Variants in KCTD3 observed in about 807,000 individuals in gnomAD.
KCTD3 encodes the protein BTB/POZ domain-containing protein KCTD3.
Under a neutral mutation model 85.8 loss-of-function variants are expected in KCTD3, and 41 were observed. The observed-to-expected ratio is 0.48, with a 90% confidence interval of 0.37 to 0.62. The LOEUF (loss-of-function observed/expected upper bound fraction) is 0.62. KCTD3 is among the 20% of genes least tolerant of loss of function. The pLI, the probability that KCTD3 is intolerant of heterozygous loss-of-function variation, is 0.00. For synonymous variants in KCTD3, 338 were observed against 345.4 expected (o/e 0.98, Z 0.24); for missense variants, 724 against 989.9 (o/e 0.73, Z 3.60).
chr1:215,577,768 C>T, intron 5 of KCTD3, 40 bp downstream of exon 5: 2 of 1,446,462 alleles, frequency 1.4e-6, no homozygotes, highest in Non-Finnish European at 1.9e-6. Context: ...TGATTTGACT[C>T]ATGTATGAAA....
Position 215,620,182 on chromosome 1 carries a change from T to C in KCTD3, c.2012T>C (p.Phe671Ser), listed in dbSNP as rs1453736278. Residue 671 changes from phenylalanine to serine, a missense_variant, in exon 18 of 18, where the codon TTC becomes TCC. Around this residue, in one of 6 missense-constraint regions of KCTD3, gnomAD observed 222 missense variants for 217.7 expected, o/e 1.02. Transcript: ENST00000259154. ...RTESFHSYRD[F>S]QTINLNRNVE... ...GAGAGCTTTCACAGTTATAGGGACT[T>C]CCAGACTATTAATTTGAACAGAAAT... 1 of 1,613,894 alleles carries C rather than the reference T, an allele frequency of 6.2e-7. No individual in the cohort carries two copies.
intron 15 of KCTD3, among the ~76,000 whole-genome samples, chr1:215,614,794 A>G (rs1476624480): frequency 1.3e-5 from 2 of 152,190 alleles, no homozygotes; most frequent in Admixed American, 1.3e-4. Context: ...TCATTTTAAA[A>G]TTTTATGGCT....
chr1:215,578,943 T>G, intron 6 of KCTD3, 57 bp from the exon 7 acceptor site: 1 of 1,265,456 alleles, frequency 7.9e-7, no homozygotes, highest in South Asian at 1.5e-5. Context: ...AATGTGATAT[T>G]TTTAATTTTT....
Position 215,620,182 on chromosome 1 carries a change from T to G in KCTD3, c.2012T>G (p.Phe671Cys), listed in dbSNP as rs1453736278. ...RTESFHSYRD[F>C]QTINLNRNVE... The stretch of plus-strand genomic sequence containing the variant: ...GAGAGCTTTCACAGTTATAGGGACT[T>G]CCAGACTATTAATTTGAACAGAAAT... The change falls in exon 18 of 18, where the codon TTC (phenylalanine) becomes TGC (cysteine). Residue 671 changes from phenylalanine (F) to cysteine (C), a missense_variant. This residue lies in a region of KCTD3 where 222 missense variants were observed against 217.7 expected (regional missense o/e 1.02). Coordinates refer to ENST00000259154, the MANE Select transcript of KCTD3 (RefSeq NM_016121.5). 2.5e-6 allele frequency: 4 copies of G among 1,613,776 alleles called. No homozygotes were observed. Among genetic ancestry groups the G allele is most frequent in the Non-Finnish European group, 3.4e-6 (4 of 1,179,840 alleles).
At chr1:215,582,721 C>G (rs1337789010) in intron 8 of KCTD3, among the ~76,000 whole-genome samples, 1 of 152,012 alleles carries the variant, frequency 6.6e-6, no homozygotes, top group Non-Finnish European at 1.5e-5. Flanking sequence ...ACCACCACAC[C>G]TGGCCAATTT....
At chr1:215,614,171 A>G (rs1196484457) in intron 15 of KCTD3, among the ~76,000 whole-genome samples, 2 of 151,566 alleles carry the variant, frequency 1.3e-5, no homozygotes, top group Non-Finnish European at 2.9e-5. Context: ...AGCTGGGATT[A>G]CAAATGCATG....
At chr1:215,569,186 A>G (rs535064754) in intron 1 of KCTD3, among the ~76,000 whole-genome samples, 2 of 147,498 alleles carry the variant, frequency 1.4e-5, no homozygotes, top group African/African-American at 2.5e-5. Flanking sequence ...CAGTGGCGCG[A>G]TCTCGGCTCA....
rs79601310 is a variant in KCTD3 at position 215,612,023 on chromosome 1, C to T, written c.1562+102C>T. The T allele has an allele frequency of 7.4e-3, 5,433 of 736,240 alleles. 178 individuals carry two copies. The African/African-American group carries it at 0.077, about 10-fold the overall frequency. 45.6% of individuals were successfully genotyped at this position (736,240 alleles called of 1,614,324 possible). The stretch of plus-strand genomic sequence containing the variant: ...ATTGACCAAAGAGTGCTACTAGAAA[C>T]AAATTGTTGGGACAGAAGTCTGTTA... On this transcript the variant is annotated intron_variant, in intron 15 of 17. Transcript: ENST00000259154.
At chr1:215,586,278 G>A (rs981116090) in intron 8 of KCTD3, among the ~76,000 whole-genome samples, 5 of 152,086 alleles carry the variant, frequency 3.3e-5, no homozygotes, top group Non-Finnish European at 5.9e-5. Flanking sequence ...CGTTATATGT[G>A]CTATGTATGC....
intron 6 of KCTD3, 43 bp from the exon 7 acceptor site, chr1:215,578,957 A>C (rs769799591): frequency 2.9e-6 from 4 of 1,388,284 alleles, no homozygotes; most frequent in Middle Eastern, 3.7e-4. Context: ...AATTTTTGAA[A>C]GGTGAACTTA....
chr1:215,617,643 T>C (rs1313624901), intron 15 of KCTD3, among the ~76,000 whole-genome samples: 1 of 151,762 alleles, frequency 6.6e-6, no homozygotes, highest in Non-Finnish European at 1.5e-5. Flanking sequence ...GACCTCTCTC[T>C]TCCTACATGC....
chr1:215,612,777 C>T (rs1424054985), intron 15 of KCTD3, among the ~76,000 whole-genome samples: 1 of 152,168 alleles, frequency 6.6e-6, no homozygotes, highest in Non-Finnish European at 1.5e-5. Flanking sequence ...AATGAAATAT[C>T]TCTCATAGTA....
chr1:215,619,176 G>A lies in KCTD3; in HGVS notation c.1771G>A (p.Glu591Lys). The A allele has an allele frequency of 3.7e-6, 6 of 1,613,976 alleles. No individual in the cohort carries two copies. The highest frequency in any genetic ancestry group is 5.1e-6 in the Non-Finnish European group (6 of 1,179,876). ...DKDVGGPTEE[E>K]LLKLLDQCDL... ...AGATGTAGGTGGTCCAACCGAAGAA[G>A]AGCTACTCAAATTACTCGATCAATG... The change falls in exon 17 of 18, where the codon GAG becomes AAG. Residue 591 changes from glutamate (E) to lysine (K), a missense_variant. Glu to Lys is a moderately conservative substitution (Grantham distance 56). Around this residue, in one of 6 missense-constraint regions of KCTD3, gnomAD observed 136 missense variants for 197.6 expected, o/e 0.69. Transcript: ENST00000259154.
rs536410550 is a variant in KCTD3 at position 215,571,922 on chromosome 1, C to T, written c.84-1864C>T. 1.2e-4 allele frequency among the ~76,000 whole-genome samples: 18 copies of T among 152,292 alleles called. No homozygotes were observed. In the South Asian group the frequency reaches 3.5e-3, roughly 30 times the overall value. On this transcript the variant is annotated intron_variant, in intron 1 of 17. Transcript: ENST00000259154. ...CTGGGATTACAGGCGTGAGCCACCG[C>T]GCCTAGCCGAGATAAACTTTTAATT...
chr1:215,586,449 T>A, intron 8 of KCTD3, 46 bp from the exon 9 acceptor site: 1 of 1,500,282 alleles, frequency 6.7e-7, no homozygotes, highest in South Asian at 1.3e-5. Context: ...TTCCGTTTGC[T>A]TCATTGCTGC....
intron 12 of KCTD3, 106 bp downstream of exon 12, chr1:215,602,307 T>C: frequency 1.6e-6 from 1 of 608,266 alleles, no homozygotes. Context: ...TTTTGAGAAC[T>C]GCAGTGCCTA....
At chr1:215,578,941 A>G in intron 6 of KCTD3, 59 bp from the exon 7 acceptor site, 1 of 1,228,890 alleles carries the variant, frequency 8.1e-7, no homozygotes, top group South Asian at 1.6e-5. Flanking sequence ...ACAATGTGAT[A>G]TTTTTAATTT....
In KCTD3 at chr1:215,578,039, T is replaced by A; in HGVS notation, c.355T>A (p.Ser119Thr). The change falls in exon 6 of 18, where the codon TCT becomes ACT. Residue 119 changes from serine to threonine, a missense_variant. Transcript: ENST00000259154. ...CTTATGTGAAGAATTGGAGCGTTCC[T>A]CTTGTGGCAGTGTCCTTTTTCATGG... Reference protein sequence around the residue: ...LLLCEELERSSCGSVLFHGYL... With the variant: ...LLLCEELERSTCGSVLFHGYL... 1 of 1,612,674 alleles carries A rather than the reference T, an allele frequency of 6.2e-7. No individual in the cohort carries two copies. The highest frequency in any genetic ancestry group is 8.5e-7 in the Non-Finnish European group (1 of 1,179,252).
In KCTD3 at chr1:215,567,526, G is replaced by A. The variant is rs1659171112; in HGVS notation, c.-160G>A. On this transcript the variant is annotated 5_prime_UTR_variant, in exon 1 of 18. Transcript: ENST00000259154. Reference sequence around the variant, plus strand: ...GGGCAGAAGCTAGCGAGCCCCGCCCGGCCGCCGGGAAGGTGGGGGAAGCCC... The same window carrying A: ...GGGCAGAAGCTAGCGAGCCCCGCCCAGCCGCCGGGAAGGTGGGGGAAGCCC... The A allele has an allele frequency of 3.3e-6, 1 of 300,364 alleles. No individual in the cohort carries two copies. The allele number at this position is 300,364 out of a possible 1,614,324, so 18.6% of individuals were successfully genotyped here.
Sources: allele counts gnomAD v4.1 joint callset (sites outside exome capture counted in the v4.1 genomes callset), GRCh38; gene constraint gnomAD v4.1.1; regional missense constraint gnomAD v4.1.1; transcripts MANE v1.5; gene names NCBI Gene and HGNC (gene_info 2026-07-23, HGNC 2026-07-21).